Variants in DCLK1 observed in about 807,000 individuals in gnomAD.
DCLK1 encodes the protein serine/threonine-protein kinase DCLK1.
In DCLK1, 16 loss-of-function variants were observed where a neutral mutation model predicts 86.2. The ratio of observed to expected loss-of-function variants is 0.19; its 90% confidence interval spans 0.13 to 0.28. The LOEUF is 0.28. Ranked by LOEUF, DCLK1 falls within the 10% of genes least tolerant of loss-of-function variation. The pLI, the probability that DCLK1 is intolerant of heterozygous loss-of-function variation, is 1.00. For synonymous variants in DCLK1, 369 were observed against 370.5 expected, an observed-to-expected ratio of 1.00 and a Z score of 0.05; for missense variants, 590 against 940.2, an observed-to-expected ratio of 0.63 and a Z score of 4.87.
chr13:36,007,830 G>T (rs1482604242), intron 3 of DCLK1, among the ~76,000 whole-genome samples: 4 of 151,916 alleles, frequency 2.6e-5, no homozygotes, highest in Non-Finnish European at 4.4e-5. Flanking sequence ...GATCACTTTT[G>T]GCATACAATA....
chr13:35,943,957 G>C (rs1049473045), intron 4 of DCLK1, among the ~76,000 whole-genome samples: 4 of 152,108 alleles, frequency 2.6e-5, no homozygotes, highest in Non-Finnish European at 4.4e-5. Context: ...TAGTGCACTA[G>C]CCACCATCTC....
At chr13:36,023,174 G>C (rs1881857745) in intron 3 of DCLK1, among the ~76,000 whole-genome samples, 2 of 152,202 alleles carry the variant, frequency 1.3e-5, no homozygotes, top group Admixed American at 6.5e-5. Context: ...GATGTGCATA[G>C]ATAGTTGGTT....
At chr13:35,850,495 C>T (rs1215887979) in intron 6 of DCLK1, 1 of 1,194,154 alleles carries the variant, frequency 8.4e-7, no homozygotes, top group East Asian at 3.8e-5. Flanking sequence ...TGTGTTCAAA[C>T]TCTCCCCAAT....
At chr13:35,850,828 C>A in intron 6 of DCLK1, 2 of 1,521,516 alleles carry the variant, frequency 1.3e-6, no homozygotes, top group South Asian at 1.3e-5. Flanking sequence ...CTTGGGTGCC[C>A]TGTGGCTCTC....
chr13:36,046,994 C>A (rs994458377), intron 3 of DCLK1, among the ~76,000 whole-genome samples: 4 of 152,158 alleles, frequency 2.6e-5, no homozygotes, highest in Non-Finnish European at 4.4e-5. Flanking sequence ...CAAGAAAACA[C>A]ATAAACCAAT....
At chr13:35,953,572 C>A (rs551997416) in intron 3 of DCLK1, among the ~76,000 whole-genome samples, 1 of 152,146 alleles carries the variant, frequency 6.6e-6, no homozygotes, top group African/African-American at 2.4e-5. Context: ...TACGCACAGT[C>A]GTCCCAAGAG....
chr13:35,882,739 C>T (rs1872992264), intron 4 of DCLK1, among the ~76,000 whole-genome samples: 1 of 152,202 alleles, frequency 6.6e-6, no homozygotes, highest in African/African-American at 2.4e-5. Context: ...TCTGTTCATA[C>T]CTCCACACTC....
chr13:35,836,055 CA>C lies in DCLK1; in HGVS notation c.1206del (p.Val403LeufsTer6). On this transcript the variant is annotated frameshift_variant, in exon 8 of 17. Coordinates refer to ENST00000360631, the MANE Select transcript of DCLK1 (RefSeq NM_001330071.2). LOFTEE classifies it high-confidence loss of function. ...VGRTIGDGNF[A>X]VVKECVERST... Reference sequence around the variant, plus strand: ...CACCTTTCTACACATTCCTTGACAACAGCAAAATTTCCATCTCCTATTGTTC... The same window carrying C: ...CACCTTTCTACACATTCCTTGACAACGCAAAATTTCCATCTCCTATTGTTC... 1 of 1,613,128 alleles carries C rather than the reference CA, an allele frequency of 6.2e-7. No homozygotes were observed. Among genetic ancestry groups the C allele is most frequent in the Non-Finnish European group, 8.5e-7 (1 of 1,179,620 alleles).
chr13:35,951,292 T>C (rs1049784163), intron 3 of DCLK1, among the ~76,000 whole-genome samples: 3 of 151,250 alleles, frequency 2.0e-5, no homozygotes, highest in South Asian at 2.1e-4. Context: ...GATGGATGGA[T>C]GGATGGATGG....
chr13:35,901,250 G>A (rs1874337496), intron 4 of DCLK1, among the ~76,000 whole-genome samples: 2 of 152,188 alleles, frequency 1.3e-5, no homozygotes, highest in Non-Finnish European at 2.9e-5. Flanking sequence ...ACTTTGGGAG[G>A]CCAATGCAGG....
intron 6 of DCLK1, chr13:35,850,179 A>AG (rs1870504687): frequency 1.0e-6 from 1 of 985,044 alleles, no homozygotes; most frequent in Admixed American, 6.1e-5. Flanking sequence ...CTGTCTAGGG[A>AG]GAAAAAAAAT....
chr13:36,012,356 C>T (rs151172227), intron 3 of DCLK1, among the ~76,000 whole-genome samples: 2,385 of 152,134 alleles, frequency 0.016, 35 homozygotes, highest in Middle Eastern at 0.048. Context: ...GATTTTGCCA[C>T]GGCTGTTACC....
chr13:36,021,486 A>G (rs1475755369), intron 3 of DCLK1, among the ~76,000 whole-genome samples: 1 of 152,038 alleles, frequency 6.6e-6, no homozygotes, highest in African/African-American at 2.4e-5. Context: ...TGATCCAAAT[A>G]CATGCTATCT....
intron 3 of DCLK1, among the ~76,000 whole-genome samples, chr13:36,062,925 C>G (rs1387759554): frequency 6.6e-6 from 1 of 152,194 alleles, no homozygotes; most frequent in East Asian, 1.9e-4. Flanking sequence ...CATCTGCAAA[C>G]TTAATGAGTA....
At chr13:36,002,615 T>C (rs1424584577) in intron 3 of DCLK1, among the ~76,000 whole-genome samples, 3 of 152,226 alleles carry the variant, frequency 2.0e-5, no homozygotes, top group African/African-American at 7.2e-5. Context: ...AGCTCATACT[T>C]GCTGGGAGAT....
chr13:35,986,658 G>C, intron 3 of DCLK1, among the ~76,000 whole-genome samples: 1 of 152,152 alleles, frequency 6.6e-6, no homozygotes, highest in East Asian at 1.9e-4. Flanking sequence ...TTCTTTTGTC[G>C]CTCACTCGCA....
rs911336598 is a variant in DCLK1, at chr13:35,992,339, A to C, written c.724-44882T>G. On this transcript the variant is annotated intron_variant, in intron 3 of 16. Transcript: ENST00000360631. ...AAAGATGAGGAGTTCCTGACAGTAC[A>C]TCCAGGCTCACGTTTCAAAATGGAG... is the stretch of plus-strand genomic sequence containing the variant. Among the ~76,000 whole-genome samples the C allele has an allele frequency of 5.9e-5, 9 of 152,194 alleles. No individual in the cohort carries two copies. The East Asian group carries it at 1.7e-3, about 29-fold the overall frequency.
chr13:35,845,957 A>G (rs1870143721), intron 6 of DCLK1: 14 of 985,352 alleles, frequency 1.4e-5, no homozygotes, highest in Middle Eastern at 5.2e-4. Context: ...CACAAAGTTA[A>G]CTTCAAGAGG....
chr13:35,948,591 CGCA>C (rs1430261709), intron 3 of DCLK1, among the ~76,000 whole-genome samples: 1 of 152,122 alleles, frequency 6.6e-6, no homozygotes, highest in East Asian at 1.9e-4. Context: ...GTTGAGAGAA[CGCA>C]GCATTATTTA....
Sources: allele counts gnomAD v4.1 joint callset (sites outside exome capture counted in the v4.1 genomes callset), GRCh38; gene constraint gnomAD v4.1.1; transcripts MANE v1.5; gene names NCBI Gene and HGNC (gene_info 2026-07-23, HGNC 2026-07-21).